PASK: variants seen among roughly 807,000 people sequenced by gnomAD.
PASK encodes PAS domain-containing serine/threonine-protein kinase.
In PASK, 110 loss-of-function variants were observed where a neutral mutation model predicts 121.0. That is an observed-to-expected ratio of 0.91 (90% CI 0.78 to 1.06). PASK has a LOEUF of 1.06. Among genes scored for constraint, PASK ranks in the 50% least tolerant of loss-of-function variants. PASK has a pLI of 0.00. For missense variants in PASK, 1,643 were observed against 1,702.3 expected, an observed-to-expected ratio of 0.97 and a Z score of 0.61; for synonymous variants, 686 against 717.8, an observed-to-expected ratio of 0.96 and a Z score of 0.71.
At chr2:241,134,802 C>CG (rs397839927) in intron 8 of PASK, 2 of 152,254 alleles carry the variant, frequency 1.3e-5, no homozygotes, top group Non-Finnish European at 2.9e-5. Flanking sequence ...GAGACCCCCC[C>CG]ACCTGACACC....
At chr2:241,131,151 T>C (rs546506607) in intron 9 of PASK, among the ~76,000 whole-genome samples, 4,235 of 96,130 alleles carry the variant, frequency 0.044, 208 homozygotes, top group African/African-American at 0.17. Context: ...ATGTATTACA[T>C]TTTTTTTTTT....
chr2:241,148,252 G>A (rs1319190889), intron 1 of PASK, among the ~76,000 whole-genome samples: 1 of 152,078 alleles, frequency 6.6e-6, no homozygotes, highest in Non-Finnish European at 1.5e-5. Context: ...AGACCAAACA[G>A]AAGCAAGGAC....
chr2:241,112,523 A>AC lies in PASK; in HGVS notation c.3334-85dup. The AC allele has an allele frequency of 1.2e-6, 1 of 864,554 alleles. No homozygotes were observed. The highest frequency in any genetic ancestry group is 1.8e-6 in the Non-Finnish European group (1 of 553,420). 53.6% of individuals were successfully genotyped at this position (864,554 alleles called of 1,614,324 possible). On this transcript the variant is annotated intron_variant, in intron 14 of 17. Transcript: ENST00000234040. This position sits in a 1 kb window ranked among gnomAD's most constrained non-coding sequence, Gnocchi z 5.2. ...TTAAAATAAACTGGAACAAAAAAAA[A>AC]CACAAAGAAAAAATAAACCTCCGAC...
chr2:241,135,685 T>C (rs1051657893), intron 8 of PASK, among the ~76,000 whole-genome samples, 186 bp downstream of exon 8: 1 of 151,876 alleles, frequency 6.6e-6, no homozygotes, highest in South Asian at 2.1e-4. Flanking sequence ...TATAAGAATA[T>C]GTCACAGCCC....
Position 241,126,464 on chromosome 2 carries a change from A to G in PASK, c.2451T>C (p.Cys817=). The change falls in exon 10 of 18, where the codon TGT becomes TGC. Residue 817 remains cysteine, a synonymous_variant. Transcript: ENST00000234040. ...GCGGTTCTGTTGGATCATGTCCCAC[A>G]CAGCTCTCCCGGAACCGTCGGCCTT... The part of the protein sequence containing the change: ...LGQGRRFRES[C]VGHDPTEPLE... 6.2e-7 allele frequency: 1 copy of G among 1,614,216 alleles called. No homozygotes were observed. The highest frequency in any genetic ancestry group is 8.5e-7 in the Non-Finnish European group (1 of 1,180,036).
intron 1 of PASK, chr2:241,145,932 G>A (rs1218302058): frequency 5.0e-5 from 7 of 139,396 alleles, no homozygotes; most frequent in African/African-American, 2.0e-4. Flanking sequence ...GCGAGACTCC[G>A]TCCCCCCCAA....
At position 241,137,003 on chromosome 2, in the gene PASK, C is replaced by G; in HGVS notation, c.1137+1G>C. ...GAGCCAGGCGCCCAGGGCAGCCCCA[C>G]CTTGCCCAGGAGCTCCGTCTTTCCG... On this transcript the variant is annotated splice_donor_variant, in intron 7 of 17. Coordinates refer to ENST00000234040, the MANE Select transcript of PASK (RefSeq NM_015148.4). LOFTEE classifies it high-confidence loss of function. 6.2e-7 allele frequency: 1 copy of G among 1,612,550 alleles called. No individual in the cohort carries two copies. Among genetic ancestry groups the G allele is most frequent in the Non-Finnish European group, 8.5e-7 (1 of 1,179,758 alleles).
chr2:241,114,837 C>T, intron 14 of PASK: 7 of 1,476,588 alleles, frequency 4.7e-6, no homozygotes, highest in Non-Finnish European at 6.3e-6. Context: ...TGTATCTGGC[C>T]TCATCCTTCC....
rs2065883257 is a variant in PASK, at chr2:241,126,732, G to A, written c.2183C>T (p.Ala728Val). Residue 728 changes from alanine (A) to valine (V), a missense_variant, in exon 10 of 18, where the codon GCA becomes GTA. Physicochemically the swap from Ala to Val is moderately conservative, Grantham distance 64 (BLOSUM62 0). Transcript: ENST00000234040. ...CACATCAACCTCCTGGGCCTCCACT[G>A]CTTCCAGGCCCCCAGGGAGGTCCGT... ...LATDLPGGLEAVEAQEVDVNS... is the reference protein window; with the variant it reads ...LATDLPGGLEVVEAQEVDVNS... 1 of 1,614,144 alleles carries A rather than the reference G, an allele frequency of 6.2e-7. No individual in the cohort carries two copies. The highest frequency in any genetic ancestry group is 8.5e-7 in the Non-Finnish European group (1 of 1,180,028).
chr2:241,138,896 G>T, intron 4 of PASK, 102 bp from the exon 5 acceptor site: 1 of 1,084,130 alleles, frequency 9.2e-7, no homozygotes, highest in Non-Finnish European at 1.4e-6. Flanking sequence ...GCACTGCAAC[G>T]TTTTCAACTT....
intron 14 of PASK, chr2:241,113,816 C>T: frequency 2.0e-6 from 2 of 985,478 alleles, no homozygotes. Flanking sequence ...GCTCCCCGAC[C>T]CCGCTGCTGA....
chr2:241,150,208 C>T (rs139179864), upstream of PASK: 146 of 1,275,622 alleles, frequency 1.1e-4, no homozygotes, highest in African/African-American at 1.8e-3. Flanking sequence ...CGTCTGCCTG[C>T]AGCTACGGCT....
intron 9 of PASK, among the ~76,000 whole-genome samples, chr2:241,127,911 G>A (rs539404344): frequency 5.3e-5 from 8 of 152,350 alleles, no homozygotes; most frequent in South Asian, 2.1e-4. Context: ...AACACCATCC[G>A]ATTTCACAGC....
chr2:241,125,287 G>A (rs1247376994), intron 10 of PASK, among the ~76,000 whole-genome samples: 1 of 145,696 alleles, frequency 6.9e-6, no homozygotes, highest in Non-Finnish European at 1.5e-5. Flanking sequence ...GGTGGACAGA[G>A]TAAGACTCTG....
chr2:241,149,538 C>T (rs1411381399), upstream of PASK: 2 of 978,736 alleles, frequency 2.0e-6, no homozygotes, highest in Middle Eastern at 2.6e-4. Flanking sequence ...GGACCAGCCA[C>T]TTGCGCGTAT....
chr2:241,137,142 G>A lies in PASK; in HGVS notation c.999C>T (p.Ser333=), dbSNP rs746467097. 1.7e-5 allele frequency: 28 copies of A among 1,613,442 alleles called. No homozygotes were observed. The Admixed American group carries it at 2.3e-4, about 13-fold the overall frequency. ...EATTGEAAPV[S]GYRASVWVFC... Reference sequence around the variant, plus strand: ...ACACCCAGACAGATGCCCGGTAGCCGCTCACAGGGGCCGCCTCACCGGTGG... The same window carrying A: ...ACACCCAGACAGATGCCCGGTAGCCACTCACAGGGGCCGCCTCACCGGTGG... The change falls in exon 7 of 18, where the codon AGC becomes AGT. Residue 333 remains serine (S), a synonymous_variant. Coordinates refer to ENST00000234040, the MANE Select transcript of PASK (RefSeq NM_015148.4).
At chr2:241,140,423 A>C in intron 3 of PASK, 98 bp downstream of exon 3, 1 of 944,132 alleles carries the variant, frequency 1.1e-6, no homozygotes, top group South Asian at 1.4e-5. Flanking sequence ...AAGTGCCCAA[A>C]TGTTTTTCTA....
chr2:241,114,432 G>C, intron 14 of PASK: 1 of 993,974 alleles, frequency 1.0e-6, no homozygotes, highest in South Asian at 4.5e-5. Context: ...AGCAGTACAG[G>C]ATGGAACCGC....
At chr2:241,150,323 G>A, upstream of PASK, 1 of 1,324,348 alleles carries the variant, frequency 7.6e-7, no homozygotes, top group Non-Finnish European at 9.7e-7. Flanking sequence ...GAGGCGCGGC[G>A]CGCGGCCTCA....
Sources: gnomAD v4.1 joint callset for allele counts (sites outside exome capture counted in the v4.1 genomes callset) on GRCh38, gnomAD v4.1.1 for gene constraint, Gnocchi (gnomAD v3.1) non-coding constraint, MANE v1.5 for transcripts, NCBI Gene and HGNC (gene_info 2026-07-23, HGNC 2026-07-21) for gene names.